The following NAALADL2 variants were observed in gnomAD, a reference collection of about 807,000 sequenced individuals.
NAALADL2 encodes inactive N-acetylated-alpha-linked acidic dipeptidase-like protein 2.
A neutral mutation model predicts 87.2 loss-of-function variants in NAALADL2; 76 were observed. The ratio of observed to expected loss-of-function variants is 0.87; its 90% CI spans 0.72 to 1.05. The LOEUF is 1.05. NAALADL2 is among the 50% of genes least tolerant of loss of function. NAALADL2 has a pLI of 0.00. For missense variants in NAALADL2, 1,089 were observed against 945.8 expected, an observed-to-expected ratio of 1.15 and a Z score of -1.99; for synonymous variants, 354 against 331.0, an observed-to-expected ratio of 1.07 and a Z score of -0.75.
At chr3:175,199,130 G>C (rs1739433562) in intron 2 of NAALADL2, among the ~76,000 whole-genome samples, 1 of 152,114 alleles carries the variant, frequency 6.6e-6, no homozygotes, top group Admixed American at 6.6e-5. Flanking sequence ...TTTATGTCTG[G>C]AGATAAAAGT....
intron 2 of NAALADL2, among the ~76,000 whole-genome samples, chr3:175,102,311 T>G (rs1472727599): frequency 6.6e-6 from 1 of 152,184 alleles, no homozygotes; most frequent in African/African-American, 2.4e-5. Flanking sequence ...GTTTGCTTTG[T>G]GTCACCAAAT....
chr3:175,233,873 C>T (rs1235938695), intron 2 of NAALADL2, 58 bp from the exon 3 acceptor site: 1 of 994,364 alleles, frequency 1.0e-6, no homozygotes, highest in African/African-American at 1.6e-5. Flanking sequence ...GCAGTCATAT[C>T]TCAAAAGAAT....
At chr3:175,249,959 C>T (rs925005351) in intron 3 of NAALADL2, among the ~76,000 whole-genome samples, 10 of 152,138 alleles carry the variant, frequency 6.6e-5, no homozygotes, top group South Asian at 2.1e-4. Flanking sequence ...CATCTGAGGT[C>T]GGGAGTTCGA....
rs546282625 is a variant in NAALADL2 at position 174,940,122 on chromosome 3, C to T, written c.43+80672C>T. On this transcript the variant is annotated intron_variant, in intron 1 of 13. Coordinates refer to ENST00000454872, the MANE Select transcript of NAALADL2 (RefSeq NM_207015.3). ...ATGGGGAATACTTCCAGCTTTTGCC[C>T]ATTTAATATAATATTGGCTGTGCAT... is the stretch of plus-strand genomic sequence containing the variant. Among the ~76,000 whole-genome samples, 4 of 152,206 alleles carry T rather than the reference C, an allele frequency of 2.6e-5. No individual in the cohort carries two copies. In the South Asian group the frequency reaches 6.2e-4, roughly 24 times the overall value.
chr3:175,767,031 TC>T (rs1748790257), intron 13 of NAALADL2, among the ~76,000 whole-genome samples: 1 of 152,174 alleles, frequency 6.6e-6, no homozygotes, highest in Admixed American at 6.5e-5. Flanking sequence ...CCCAGTGGAA[TC>T]TTTTGTTCAA....
intron 5 of NAALADL2, among the ~76,000 whole-genome samples, chr3:175,416,499 G>T (rs1008456323): frequency 2.6e-5 from 4 of 152,068 alleles, no homozygotes; most frequent in African/African-American, 9.7e-5. Context: ...ACTTTGAATT[G>T]TGTTTATCAT....
intron 11 of NAALADL2, among the ~76,000 whole-genome samples, chr3:175,697,813 G>GTGTATT (rs1479221999): frequency 1.3e-4 from 18 of 133,944 alleles, no homozygotes; most frequent in African/African-American, 4.8e-4. Context: ...ATATATTTAT[G>GTGTATT]TATGTATACA....
At chr3:175,126,313 T>C (rs1331659166) in intron 2 of NAALADL2, among the ~76,000 whole-genome samples, 2 of 152,084 alleles carry the variant, frequency 1.3e-5, no homozygotes, top group South Asian at 2.1e-4. Flanking sequence ...GGGCTTTAAT[T>C]TGATAGAGGT....
At chr3:174,860,484 A>G (rs902681329) in intron 1 of NAALADL2, among the ~76,000 whole-genome samples, 9 of 152,190 alleles carry the variant, frequency 5.9e-5, no homozygotes, top group African/African-American at 2.2e-4. Context: ...ATTTATTTCT[A>G]TGTGTCTTAT....
chr3:175,167,802 A>G lies in NAALADL2; in HGVS notation c.546-66129A>G, dbSNP rs1301599510. Among the ~76,000 whole-genome samples, 9 of 152,002 alleles carry G rather than the reference A, an allele frequency of 5.9e-5. No individual in the cohort carries two copies. In the South Asian group the frequency reaches 8.3e-4, roughly 14 times the overall value. On this transcript the variant is annotated intron_variant, in intron 2 of 13. Coordinates refer to ENST00000454872, the MANE Select transcript of NAALADL2 (RefSeq NM_207015.3). ...TTTTCTCAGGCCAGACTTTCCAACTACCTTGCCCAAAGTGGAGCCTCCTTC... is the reference window on the plus strand; with the variant it reads ...TTTTCTCAGGCCAGACTTTCCAACTGCCTTGCCCAAAGTGGAGCCTCCTTC...
intron 1 of NAALADL2, among the ~76,000 whole-genome samples, chr3:174,916,188 C>T (rs184985558): frequency 2.1e-3 from 322 of 151,998 alleles, no homozygotes; most frequent in African/African-American, 7.0e-3. Flanking sequence ...CCTGCAAGAA[C>T]GGCCATAATT....
At chr3:175,432,300 G>C (rs1020084750) in intron 5 of NAALADL2, among the ~76,000 whole-genome samples, 7 of 151,894 alleles carry the variant, frequency 4.6e-5, no homozygotes, top group African/African-American at 1.7e-4. Context: ...TATTTTTACT[G>C]TTTTCCTTGT....
chr3:174,827,241 T>C (rs1722098203), intron 3 of NAALADL2, among the ~76,000 whole-genome samples: 1 of 152,250 alleles, frequency 6.6e-6, no homozygotes, highest in Non-Finnish European at 1.5e-5. Flanking sequence ...GTATTTGTAC[T>C]GTAACAAATT....
At chr3:175,617,680 G>A (rs1725536403) in intron 10 of NAALADL2, among the ~76,000 whole-genome samples, 1 of 152,106 alleles carries the variant, frequency 6.6e-6, no homozygotes. Context: ...TGGTCCTATG[G>A]CCTGTTTCTG....
chr3:175,160,993 G>A (rs560073448), intron 2 of NAALADL2, among the ~76,000 whole-genome samples: 1 of 152,002 alleles, frequency 6.6e-6, no homozygotes, highest in African/African-American at 2.4e-5. Context: ...CTATTTCGGT[G>A]GGATAGTCAT....
intron 9 of NAALADL2, among the ~76,000 whole-genome samples, chr3:175,485,711 G>T (rs1472838751): frequency 6.6e-6 from 1 of 152,148 alleles, no homozygotes; most frequent in African/African-American, 2.4e-5. Context: ...ACAGCCACTG[G>T]ATGGTGCCCA....
chr3:174,975,639 G>GTTT (rs1354864305), intron 1 of NAALADL2, among the ~76,000 whole-genome samples: 34 of 152,154 alleles, frequency 2.2e-4, no homozygotes, highest in African/African-American at 8.0e-4. Flanking sequence ...TATAACAAAT[G>GTTT]GTGATGGGCT....
chr3:174,797,372 C>T (rs900083617), intron 3 of NAALADL2, among the ~76,000 whole-genome samples: 116 of 123,438 alleles, frequency 9.4e-4, no homozygotes, highest in African/African-American at 3.6e-3. Flanking sequence ...AGTGCAATGG[C>T]GTGATCTCAG....
intron 10 of NAALADL2, among the ~76,000 whole-genome samples, chr3:175,599,807 T>C (rs1364504957): frequency 6.6e-6 from 1 of 152,172 alleles, no homozygotes; most frequent in Non-Finnish European, 1.5e-5. Flanking sequence ...CATTACTATA[T>C]GTACTAGTCA....
Sources: allele counts gnomAD v4.1 joint callset (sites outside exome capture counted in the v4.1 genomes callset), GRCh38; gene constraint gnomAD v4.1.1; transcripts MANE v1.5; gene names NCBI Gene and HGNC (gene_info 2026-07-23, HGNC 2026-07-21).